RGS6: variants seen among roughly 807,000 people sequenced by gnomAD.
The protein encoded by RGS6 is regulator of G-protein signaling 6.
A neutral mutation model predicts 78.5 loss-of-function variants in RGS6; 30 were observed. The ratio of observed to expected loss-of-function variants is 0.38; its 90% confidence interval spans 0.29 to 0.52. RGS6 has a LOEUF of 0.52. Among genes scored for constraint, RGS6 ranks in the 20% least tolerant of loss-of-function variants. The pLI is 0.85. For synonymous variants in RGS6, 206 were observed against 206.0 expected (o/e 1.00, Z 0.00); for missense variants, 495 against 609.7 (o/e 0.81, Z 1.98).
In RGS6 at chr14:72,031,712, A is replaced by G. The variant is rs138609702; in HGVS notation, c.84+66837A>G. On this transcript the variant is annotated intron_variant, in intron 2 of 17. Transcript: ENST00000553525. Reference sequence around the variant, plus strand: ...TCTAGAAGAGAAATAACACTTGCTTATATTTCATTGACCAAAGCAAGTCAT... The same window carrying G: ...TCTAGAAGAGAAATAACACTTGCTTGTATTTCATTGACCAAAGCAAGTCAT... 6.3e-3 allele frequency among the ~76,000 whole-genome samples: 966 copies of G among 152,314 alleles called. 10 individuals are homozygous for G. Among genetic ancestry groups the G allele is most frequent in the African/African-American group, 0.022 (931 of 41,570 alleles).
At chr14:72,011,209 A>G (rs75747260) in intron 2 of RGS6, among the ~76,000 whole-genome samples, 2,068 of 152,148 alleles carry the variant, frequency 0.014, 45 homozygotes, top group African/African-American at 0.046. Context: ...AAGCTCTCTC[A>G]TTTATCTTCT....
intron 3 of RGS6, among the ~76,000 whole-genome samples, chr14:72,437,340 CAAAAAAAAAAAAA>C (rs57302818): frequency 0.021 from 1,727 of 81,078 alleles, 29 homozygotes; most frequent in Middle Eastern, 0.062. Flanking sequence ...GACTCCATCT[CAAAAAAAAAAAAA>C]AAAAAAAAAG....
intron 2 of RGS6, among the ~76,000 whole-genome samples, chr14:72,112,174 G>C: frequency 6.6e-6 from 1 of 152,226 alleles, no homozygotes; most frequent in Admixed American, 6.5e-5. Flanking sequence ...CTCAGCCACA[G>C]ATGGCCCGGG....
intron 3 of RGS6, among the ~76,000 whole-genome samples, chr14:72,403,317 A>G (rs2092636859): frequency 6.6e-6 from 1 of 152,266 alleles, no homozygotes; most frequent in South Asian, 2.1e-4. Context: ...ATGAGCCTGG[A>G]GGACATTACG....
At chr14:72,078,705 A>G (rs1426890460) in intron 2 of RGS6, among the ~76,000 whole-genome samples, 1 of 152,196 alleles carries the variant, frequency 6.6e-6, no homozygotes, top group African/African-American at 2.4e-5. Flanking sequence ...GGCGTGAGCC[A>G]CTGCGCCCGG....
rs1325037923 is a variant in RGS6 at position 72,212,233 on chromosome 14, CATG to C, written c.85-139860_85-139858del. On this transcript the variant is annotated intron_variant, in intron 2 of 17. Transcript: ENST00000553525. Reference sequence around the variant, plus strand: ...GGACTCAGCACCAAGACTTCTAAGACATGAAGCACTGGGCAATGCTTTGGGGAC... The same window carrying C: ...GGACTCAGCACCAAGACTTCTAAGACAAGCACTGGGCAATGCTTTGGGGAC... Among the ~76,000 whole-genome samples the C allele has an allele frequency of 2.0e-5, 3 of 152,312 alleles. No individual in the cohort carries two copies. The East Asian group carries it at 5.8e-4, about 29-fold the overall frequency.
chr14:72,544,195 C>T (rs1430812026), intron 17 of RGS6, among the ~76,000 whole-genome samples: 1 of 152,190 alleles, frequency 6.6e-6, no homozygotes, highest in East Asian at 1.9e-4. Flanking sequence ...AGCAGCAGCT[C>T]CCTTGTTGAG....
chr14:72,203,821 C>CT (rs142494669), intron 2 of RGS6, among the ~76,000 whole-genome samples: 5 of 106,718 alleles, frequency 4.7e-5, no homozygotes, highest in South Asian at 6.6e-4. Flanking sequence ...TTCTTTCTTT[C>CT]TTTTTTTTTT....
At chr14:72,307,389 C>A (rs570210710) in intron 2 of RGS6, among the ~76,000 whole-genome samples, 1 of 152,190 alleles carries the variant, frequency 6.6e-6, no homozygotes, top group South Asian at 2.1e-4. Flanking sequence ...AAAAAAAATT[C>A]TCCTGATGTT....
At chr14:71,976,087 T>G (rs1319171354) in intron 2 of RGS6, among the ~76,000 whole-genome samples, 1 of 151,874 alleles carries the variant, frequency 6.6e-6, no homozygotes, top group Admixed American at 6.6e-5. Context: ...GTTTCTAGTT[T>G]TCTGCTAAAC....
chr14:72,562,669 G>A lies in RGS6; in HGVS notation c.*202G>A, dbSNP rs1243125565. On this transcript the variant is annotated 3_prime_UTR_variant, in exon 18 of 18. Transcript: ENST00000553525. The stretch of plus-strand genomic sequence containing the variant: ...AGAAAGAGTCCACAGAGCCTGGGCT[G>A]GGCCCGGTGGAGGCTCCTGTTTACA... 4.6e-6 allele frequency: 7 copies of A among 1,536,070 alleles called. No individual in the cohort carries two copies. Among genetic ancestry groups the A allele is most frequent in the Non-Finnish European group, 6.1e-6 (7 of 1,146,934 alleles).
At chr14:71,953,978 T>TTTTTTG (rs1253242260) in intron 1 of RGS6, among the ~76,000 whole-genome samples, 5 of 147,856 alleles carry the variant, frequency 3.4e-5, no homozygotes, top group African/African-American at 1.2e-4. Context: ...CGTTTTTTTT[T>TTTTTTG]TTTTTTTTTT....
At chr14:72,574,321 A>C in the RGS6 span, among the ~76,000 whole-genome samples, 1 of 152,176 alleles carries the variant, frequency 6.6e-6, no homozygotes, top group Admixed American at 6.5e-5. Flanking sequence ...GACTTTCCCC[A>C]GTCCCTGCTG....
chr14:72,477,286 A>G lies in RGS6; in HGVS notation c.792+446A>G, dbSNP rs186866521. The G allele has an allele frequency of 3.3e-3, 522 of 156,282 alleles. 2 individuals carry two copies. The highest frequency in any genetic ancestry group is 9.3e-3 in the South Asian group (47 of 5,040). The allele number at this position is 156,282 out of a possible 1,614,324, so 9.7% of individuals were successfully genotyped here. ...TTTCAGCATTACTTGGTTGAATGTT[A>G]TTTTCTTTCATGATGAGCAGCCCAG... On this transcript the variant is annotated intron_variant, in intron 11 of 17. Transcript: ENST00000553525.
chr14:71,892,865 G>A, the RGS6 span, among the ~76,000 whole-genome samples: 2 of 152,142 alleles, frequency 1.3e-5, no homozygotes, highest in African/African-American at 4.8e-5. Flanking sequence ...TTATGTTAAT[G>A]TTTTACATGT....
chr14:71,920,565 A>G, the RGS6 span, among the ~76,000 whole-genome samples: 1 of 152,264 alleles, frequency 6.6e-6, no homozygotes, highest in African/African-American at 2.4e-5. Flanking sequence ...AATTAAAAAA[A>G]CACTTAGAGT....
chr14:71,950,575 A>G (rs1055659450), intron 1 of RGS6, among the ~76,000 whole-genome samples: 2 of 152,180 alleles, frequency 1.3e-5, no homozygotes, highest in Non-Finnish European at 2.9e-5. Flanking sequence ...GAGAAATGAG[A>G]TATAATTAAG....
At chr14:71,974,889 C>T (rs1248088005) in intron 2 of RGS6, among the ~76,000 whole-genome samples, 2 of 152,214 alleles carry the variant, frequency 1.3e-5, no homozygotes, top group African/African-American at 4.8e-5. Context: ...CGCCTGTAAT[C>T]CCAGCACTTG....
At chr14:72,227,936 C>T (rs539692168) in intron 2 of RGS6, among the ~76,000 whole-genome samples, 1 of 152,180 alleles carries the variant, frequency 6.6e-6, no homozygotes, top group African/African-American at 2.4e-5. Context: ...CATGAATGTC[C>T]TGGGATTGGA....
Sources: gnomAD v4.1 joint callset for allele counts (sites outside exome capture counted in the v4.1 genomes callset) on GRCh38, gnomAD v4.1.1 for gene constraint, MANE v1.5 for transcripts, NCBI Gene and HGNC (gene_info 2026-07-23, HGNC 2026-07-21) for gene names.